PLD5: variants seen among roughly 807,000 people sequenced by gnomAD.
PLD5 encodes the protein inactive phospholipase D5.
In PLD5, 36 loss-of-function variants were observed where a neutral mutation model predicts 61.1. The ratio of observed to expected loss-of-function variants is 0.59; its 90% CI spans 0.45 to 0.78. PLD5 has a LOEUF of 0.78. Ranked by LOEUF, PLD5 falls within the 30% of genes least tolerant of loss-of-function variation. PLD5 has a pLI of 0.00. For synonymous variants in PLD5, 243 were observed against 242.8 expected, an observed-to-expected ratio of 1.00 and a Z score of -0.01; for missense variants, 515 against 644.4, an observed-to-expected ratio of 0.80 and a Z score of 2.17.
At position 242,094,493 on chromosome 1, in the gene PLD5, C is replaced by A. The variant is rs143155826; in HGVS notation, c.1355-4383G>T. Among the ~76,000 whole-genome samples the A allele has an allele frequency of 1.2e-3, 186 of 152,232 alleles. 3 individuals carry two copies. In the East Asian group the frequency reaches 0.032, roughly 27 times the overall value. On this transcript the variant is annotated intron_variant, in intron 9 of 9. Coordinates refer to ENST00000536534, the MANE Select transcript of PLD5 (RefSeq NM_001372062.1). The stretch of plus-strand genomic sequence containing the variant: ...ATTTTTCTCAACTCTGCGTTCTCAG[C>A]AAGTATCTCAGTGATGACTTAGGAG...
intron 5 of PLD5, among the ~76,000 whole-genome samples, chr1:242,133,477 C>A (rs190343385): frequency 6.6e-6 from 1 of 152,246 alleles, no homozygotes; most frequent in Admixed American, 6.5e-5. Flanking sequence ...GCTTTGTTTG[C>A]GCATTTTGTC....
At chr1:242,154,253 A>T (rs1665166882) in intron 5 of PLD5, among the ~76,000 whole-genome samples, 1 of 152,176 alleles carries the variant, frequency 6.6e-6, no homozygotes, top group African/African-American at 2.4e-5. Flanking sequence ...GGCTGAGAAG[A>T]TGGGGTTTTC....
In PLD5 at chr1:242,456,865, CCCG is replaced by C. The variant is rs1474774127; in HGVS notation, c.189+67220_189+67222del. 2.0e-5 allele frequency among the ~76,000 whole-genome samples: 3 copies of C among 152,252 alleles called. No homozygotes were observed. The East Asian group carries it at 5.8e-4, about 29-fold the overall frequency. On this transcript the variant is annotated intron_variant, in intron 1 of 9. Coordinates refer to ENST00000536534, the MANE Select transcript of PLD5 (RefSeq NM_001372062.1). ...GAGTGCTCTTCAGGTTACCAAAATC[CCCG>C]CCCGACACTGCGTCCGTAACACTAT...
intron 1 of PLD5, among the ~76,000 whole-genome samples, chr1:242,475,798 T>C (rs1216215187): frequency 6.6e-6 from 1 of 151,994 alleles, no homozygotes; most frequent in Non-Finnish European, 1.5e-5. Context: ...CTGGTGTCCT[T>C]ATGAGAAGAG....
intron 5 of PLD5, among the ~76,000 whole-genome samples, chr1:242,177,047 C>G (rs191344331): frequency 1.3e-5 from 2 of 152,214 alleles, no homozygotes; most frequent in African/African-American, 2.4e-5. Context: ...ACCAGAAATA[C>G]CATTTAACCC....
At chr1:242,284,050 T>C (rs1047982699) in intron 3 of PLD5, among the ~76,000 whole-genome samples, 1 of 150,512 alleles carries the variant, frequency 6.6e-6, no homozygotes, top group African/African-American at 2.4e-5. Flanking sequence ...TTCACAATTA[T>C]TCCCCTACCT....
At chr1:242,161,452 T>C (rs1665820335) in intron 5 of PLD5, among the ~76,000 whole-genome samples, 1 of 121,428 alleles carries the variant, frequency 8.2e-6, no homozygotes, top group Non-Finnish European at 1.7e-5. Context: ...TAGAAGTATA[T>C]GTACCTGTGG....
rs201564485 is a variant in PLD5, at chr1:242,243,244, G to T, written c.607+22093C>A. Among the ~76,000 whole-genome samples the T allele has an allele frequency of 3.0e-4, 46 of 152,324 alleles. No individual in the cohort carries two copies. The East Asian group carries it at 8.5e-3, about 28-fold the overall frequency. On this transcript the variant is annotated intron_variant, in intron 4 of 9. Transcript: ENST00000536534. ...GGAGGGGTAGGTTTGAGTGGAAAAA[G>T]GCAGTTTAAAGAGAGTCCGGCCAAA...
At chr1:242,144,178 ATTT>A (rs201274124) in intron 5 of PLD5, among the ~76,000 whole-genome samples, 1 of 121,198 alleles carries the variant, frequency 8.3e-6, no homozygotes, top group East Asian at 2.3e-4. Flanking sequence ...CTCAAATTTT[ATTT>A]TTTTAAAAAA....
intron 2 of PLD5, among the ~76,000 whole-genome samples, chr1:242,331,919 G>T (rs1659198736): frequency 6.6e-6 from 1 of 152,104 alleles, no homozygotes; most frequent in Admixed American, 6.5e-5. Context: ...CATGTCCTGG[G>T]ATACATGTGC....
At chr1:242,495,418 A>C (rs1323082294) in intron 1 of PLD5, among the ~76,000 whole-genome samples, 16 of 152,090 alleles carry the variant, frequency 1.1e-4, no homozygotes, top group Non-Finnish European at 2.4e-4. Context: ...ATTCCAAACA[A>C]GTTCATGAAT....
intron 5 of PLD5, among the ~76,000 whole-genome samples, chr1:242,194,623 T>TA (rs1435914514): frequency 4.9e-5 from 5 of 101,374 alleles, no homozygotes; most frequent in African/African-American, 1.9e-4. Flanking sequence ...TCTATGTATC[T>TA]ATCTATCTAT....
At position 242,258,200 on chromosome 1, in the gene PLD5, C is replaced by T. The variant is rs1379236357; in HGVS notation, c.607+7137G>A. 1.4e-4 allele frequency among the ~76,000 whole-genome samples: 21 copies of T among 152,152 alleles called. No homozygotes were observed. In the East Asian group the frequency reaches 2.9e-3, roughly 21 times the overall value. ...TTTTGCTTATATTTTTGGATAGGCA[C>T]ACTTCCTATCACTGAATGCTCTAGC... On this transcript the variant is annotated intron_variant, in intron 4 of 9. Transcript: ENST00000536534.
chr1:242,286,927 G>A (rs759798775), intron 3 of PLD5, among the ~76,000 whole-genome samples: 15 of 152,156 alleles, frequency 9.9e-5, no homozygotes, highest in Non-Finnish European at 2.1e-4. Flanking sequence ...AGAGAGATAT[G>A]AATTGCTATG....
the PLD5 span, among the ~76,000 whole-genome samples, chr1:242,530,187 C>G: frequency 5.3e-5 from 8 of 152,284 alleles, no homozygotes; most frequent in Non-Finnish European, 1.2e-4. Flanking sequence ...AGCCACCATG[C>G]CTGGCCGGCA....
At chr1:242,244,356 A>G (rs1241385891) in intron 4 of PLD5, among the ~76,000 whole-genome samples, 2 of 152,198 alleles carry the variant, frequency 1.3e-5, no homozygotes, top group African/African-American at 4.8e-5. Flanking sequence ...CATGGGACAA[A>G]TAGGAGATAC....
At chr1:242,334,172 A>G (rs1185866923) in intron 2 of PLD5, among the ~76,000 whole-genome samples, 2 of 152,166 alleles carry the variant, frequency 1.3e-5, no homozygotes, top group Admixed American at 6.5e-5. Flanking sequence ...AGAGAAGCCC[A>G]GTGTTACCAC....
intron 1 of PLD5, among the ~76,000 whole-genome samples, chr1:242,440,726 C>G (rs906523764): frequency 5.9e-5 from 9 of 152,204 alleles, no homozygotes; most frequent in South Asian, 2.1e-4. Flanking sequence ...CCTCTTCCAG[C>G]CTTCTTAACT....
intron 2 of PLD5, among the ~76,000 whole-genome samples, chr1:242,346,438 A>C (rs570603757): frequency 6.6e-6 from 1 of 152,240 alleles, no homozygotes; most frequent in South Asian, 2.1e-4. Flanking sequence ...CTTCACTTTA[A>C]GGTGAGGAGA....
Sources: gnomAD v4.1 joint callset for allele counts (sites outside exome capture counted in the v4.1 genomes callset) on GRCh38, gnomAD v4.1.1 for gene constraint, MANE v1.5 for transcripts, NCBI Gene and HGNC (gene_info 2026-07-23, HGNC 2026-07-21) for gene names.